Variants in BTBD2 observed in about 807,000 individuals in gnomAD.
BTBD2 encodes BTB/POZ domain-containing protein 2.
In BTBD2, 15 loss-of-function variants were observed where a neutral mutation model predicts 44.0. That is an observed-to-expected ratio of 0.34 (90% confidence interval 0.23 to 0.53). BTBD2 has a LOEUF of 0.53. Ranked by LOEUF, BTBD2 falls within the 20% of genes least tolerant of loss-of-function variation. The probability of loss-of-function intolerance (pLI) is 0.95; values close to 1 mark genes in which losing one functional copy is unlikely to be tolerated. For synonymous variants in BTBD2, 443 were observed against 335.9 expected (o/e 1.32, Z -3.49); for missense variants, 657 against 746.4 (o/e 0.88, Z 1.39).
intron 1 of BTBD2, chr19:2,013,757 G>T: frequency 2.3e-6 from 2 of 875,914 alleles, no homozygotes; most frequent in Non-Finnish European, 1.4e-6. Flanking sequence ...CTCTGATCCA[G>T]ATCATGTGCT....
At chr19:1,990,275 G>A (rs888165705) in intron 4 of BTBD2, 74 bp from the exon 5 acceptor site, 141 of 1,485,744 alleles carry the variant, frequency 9.5e-5, no homozygotes, top group African/African-American at 4.7e-4. Flanking sequence ...TGAGACTAAC[G>A]TGAGGACCAG....
chr19:2,008,589 C>CTTTT (rs34228593), intron 1 of BTBD2, among the ~76,000 whole-genome samples: 6 of 126,582 alleles, frequency 4.7e-5, no homozygotes, highest in African/African-American at 9.4e-5. Context: ...CTGTGCCCAG[C>CTTTT]TTTTTTTTTT....
intron 5 of BTBD2, chr19:1,988,567 A>G (rs535426860): frequency 6.8e-6 from 1 of 147,792 alleles, no homozygotes; most frequent in Non-Finnish European, 1.5e-5. Context: ...CAATGTTAAC[A>G]ATTTTTTTTT....
rs552101543 is a variant in BTBD2, at chr19:1,993,738, G to A, written c.528-562C>T. The stretch of plus-strand genomic sequence containing the variant: ...AGGCTGGGCCTGGTGGTTCACGCCT[G>A]TAACCCCAGCACTTTGGGAGGCTGA... On this transcript the variant is annotated intron_variant, in intron 2 of 8. Coordinates refer to ENST00000255608, the MANE Select transcript of BTBD2 (RefSeq NM_017797.4). Among the ~76,000 whole-genome samples the A allele has an allele frequency of 2.0e-5, 3 of 152,252 alleles. No individual in the cohort carries two copies. In the South Asian group the frequency reaches 6.2e-4, roughly 32 times the overall value.
chr19:1,999,189 T>C (rs1763248775), intron 1 of BTBD2, among the ~76,000 whole-genome samples: 1 of 152,138 alleles, frequency 6.6e-6, no homozygotes, highest in Admixed American at 6.6e-5. Context: ...AGGGCTTGAC[T>C]GCACCCCAGA....
chr19:1,989,807 G>C (rs2016146943), intron 5 of BTBD2, 197 bp downstream of exon 5: 2 of 627,934 alleles, frequency 3.2e-6, no homozygotes, highest in Admixed American at 2.8e-5. Flanking sequence ...AGTGTGCACG[G>C]TGGGGACAGA....
chr19:2,004,597 A>G (rs1471049184), intron 1 of BTBD2, among the ~76,000 whole-genome samples: 1 of 150,422 alleles, frequency 6.6e-6, no homozygotes, highest in African/African-American at 2.4e-5. Flanking sequence ...GCCCCCGGCC[A>G]GGCAAAATAA....
At chr19:2,000,394 C>T (rs117389947) in intron 1 of BTBD2, among the ~76,000 whole-genome samples, 2,790 of 152,334 alleles carry the variant, frequency 0.018, 32 homozygotes, top group Admixed American at 0.029. Context: ...GTATCTTGGT[C>T]TCCTGTGGGG....
At chr19:2,013,351 G>C (rs1248587940) in intron 1 of BTBD2, among the ~76,000 whole-genome samples, 1 of 151,882 alleles carries the variant, frequency 6.6e-6, no homozygotes, top group Non-Finnish European at 1.5e-5. Flanking sequence ...CACTGGCAAA[G>C]ACAGATACTG....
intron 1 of BTBD2, among the ~76,000 whole-genome samples, chr19:2,010,528 C>A (rs1201107578): frequency 6.6e-6 from 1 of 152,194 alleles, no homozygotes; most frequent in Non-Finnish European, 1.5e-5. Context: ...AGGGACCAGG[C>A]CCAAGCCCAG....
In BTBD2 at chr19:2,014,355, G is replaced by A. The variant is rs74973546; in HGVS notation, c.407+942C>T. ...GTGGGTTGGGGTCCTGGGAATGGAG[G>A]AGCAGATAGGGGTACACGTCCCAGG... On this transcript the variant is annotated intron_variant, in intron 1 of 8. Transcript: ENST00000255608. The A allele has an allele frequency of 1.1e-3, 170 of 152,290 alleles. 1 individual carries two copies. In the East Asian group the frequency reaches 0.03, roughly 27 times the overall value. The allele number at this position is 152,290 out of a possible 1,614,324, so 9.4% of individuals were successfully genotyped here.
chr19:2,009,078 G>C (rs1305557376), intron 1 of BTBD2, among the ~76,000 whole-genome samples: 1 of 151,856 alleles, frequency 6.6e-6, no homozygotes, highest in East Asian at 1.9e-4. Context: ...AAGTGCAGTG[G>C]CACAATCCTG....
At chr19:1,987,778 A>G (rs1469547492) in intron 5 of BTBD2, 86 bp from the exon 6 acceptor site, 1 of 1,343,856 alleles carries the variant, frequency 7.4e-7, no homozygotes, top group African/African-American at 1.5e-5. Flanking sequence ...TCCCCCTAAG[A>G]TGTCTGCGTC....
At chr19:1,999,080 CG>C (rs34961092) in intron 1 of BTBD2, among the ~76,000 whole-genome samples, 1 of 152,114 alleles carries the variant, frequency 6.6e-6, no homozygotes, top group African/African-American at 2.4e-5. Flanking sequence ...ACACAGCTCC[CG>C]GGAAAGCCCC....
At chr19:1,990,664 C>T (rs2016162456) in intron 4 of BTBD2, 53 bp downstream of exon 4, 7 of 1,489,132 alleles carry the variant, frequency 4.7e-6, no homozygotes, top group Non-Finnish European at 6.4e-6. Flanking sequence ...ATCCCCGGAC[C>T]CTCCCGCCGA....
intron 1 of BTBD2, among the ~76,000 whole-genome samples, chr19:2,011,821 T>C (rs1416132512): frequency 1.3e-5 from 2 of 151,572 alleles, no homozygotes; most frequent in Admixed American, 1.3e-4. Context: ...CCACCTCCAC[T>C]GTGTGAACAG....
chr19:1,999,757 TG>T (rs544752178), intron 1 of BTBD2, among the ~76,000 whole-genome samples: 2,335 of 151,558 alleles, frequency 0.015, 64 homozygotes, highest in African/African-American at 0.053. Flanking sequence ...GGTCAGGAGT[TG>T]GGAGACCAGC....
intron 1 of BTBD2, among the ~76,000 whole-genome samples, chr19:2,008,008 CTT>C (rs59464609): frequency 3.4e-4 from 48 of 142,924 alleles, no homozygotes; most frequent in African/African-American, 1.1e-3. Context: ...CTGAGAAAGT[CTT>C]TTTTTTTTTT....
At position 1,986,974 on chromosome 19, in the gene BTBD2, A is replaced by T; in HGVS notation, c.1272T>A (p.Ile424=). The change falls in exon 8 of 9, where the codon ATT becomes ATA. Residue 424 remains isoleucine, a splice_region_variant and synonymous_variant. Transcript: ENST00000255608. The part of the protein sequence containing the change: ...GPTDYQVNIQ[I]IHTDSNTVLG... ...AGACGGTGTTGCTATCGGTGTGAAT[A>T]ATCTGCGGGGAGGTGGGAAGTGGGA... 6.2e-7 allele frequency: 1 copy of T among 1,611,274 alleles called. No individual in the cohort carries two copies. Among genetic ancestry groups the T allele is most frequent in the Non-Finnish European group, 8.5e-7 (1 of 1,178,536 alleles).
Sources: gnomAD v4.1 joint callset for allele counts (sites outside exome capture counted in the v4.1 genomes callset) on GRCh38, gnomAD v4.1.1 for gene constraint, MANE v1.5 for transcripts, NCBI Gene and HGNC (gene_info 2026-07-23, HGNC 2026-07-21) for gene names.